KCNQ1: variants seen among roughly 807,000 people sequenced by gnomAD.
KCNQ1 encodes the protein potassium voltage-gated channel subfamily Q member 1.
Under a neutral mutation model 72.4 loss-of-function variants are expected in KCNQ1, and 49 were observed. The observed-to-expected ratio is 0.68, with a 90% CI of 0.54 to 0.86. The LOEUF (loss-of-function observed/expected upper bound fraction) is 0.86, where lower values mean the gene tolerates loss of function less well. Among genes scored for constraint, KCNQ1 ranks in the 40% least tolerant of loss-of-function variants. The pLI is 0.00. For synonymous variants in KCNQ1, 450 were observed against 412.6 expected (o/e 1.09, Z -1.10); for missense variants, 790 against 945.1 (o/e 0.84, Z 2.15).
At chr11:2,779,378 T>C (rs1313121876) in intron 15 of KCNQ1, among the ~76,000 whole-genome samples, 1 of 152,166 alleles carries the variant, frequency 6.6e-6, no homozygotes, top group Non-Finnish European at 1.5e-5. Context: ...GTTGTTGGCA[T>C]GGCCAGGAGT....
At chr11:2,758,258 A>T (rs1231388509) in intron 11 of KCNQ1, among the ~76,000 whole-genome samples, 1 of 152,232 alleles carries the variant, frequency 6.6e-6, no homozygotes, top group Non-Finnish European at 1.5e-5. Context: ...ACACGAAGAG[A>T]CATTTCACCA....
rs1850353803 is a variant in KCNQ1, at chr11:2,679,627, T to A, written c.1514+17546T>A. The A allele has an allele frequency of 2.5e-6, 1 of 398,448 alleles. No individual in the cohort carries two copies. Among genetic ancestry groups the A allele is most frequent in the African/African-American group, 2.1e-5 (1 of 48,596 alleles). The allele number at this position is 398,448 out of a possible 1,614,324, so 24.7% of individuals were successfully genotyped here. A position where few individuals can be genotyped will look rare whatever the true frequency, so the allele number is the denominator to read the frequency against. On this transcript the variant is annotated intron_variant, in intron 11 of 15. Transcript: ENST00000155840. The surrounding 1 kb of genome is among the most constrained non-coding windows in gnomAD (Gnocchi z 4.8). ...CGAGTTGGAATGAATAGTATCAGCA[T>A]CAGAAAAAATACAAGTGCATCCTCA...
At chr11:2,729,033 T>A (rs1442212807) in intron 11 of KCNQ1, among the ~76,000 whole-genome samples, 2 of 152,156 alleles carry the variant, frequency 1.3e-5, no homozygotes, top group African/African-American at 4.8e-5. Context: ...GCAACTGTAG[T>A]CACAGAACAA....
intron 10 of KCNQ1, among the ~76,000 whole-genome samples, chr11:2,589,952 G>A (rs556662693): frequency 6.6e-6 from 1 of 152,316 alleles, no homozygotes; most frequent in Admixed American, 6.5e-5. Context: ...CCTGCCCACT[G>A]GCCACGGATG....
At position 2,762,927 on chromosome 11, in the gene KCNQ1, C is replaced by T. The variant is rs1286041969; in HGVS notation, c.1515-5917C>T. Among the ~76,000 whole-genome samples, 1 of 152,190 alleles carries T rather than the reference C, an allele frequency of 6.6e-6. No homozygotes were observed. The highest frequency in any genetic ancestry group is 1.9e-4 in the East Asian group (1 of 5,198). The stretch of plus-strand genomic sequence containing the variant: ...CTGTTCATCTGTCTGCCCACACGCT[C>T]TTAATCAAGCCCTGTGGCCTCATGA... On this transcript the variant is annotated intron_variant, in intron 11 of 15. Transcript: ENST00000155840. The surrounding 1 kb of genome is among the most constrained non-coding windows in gnomAD (Gnocchi z 4.3).
intron 1 of KCNQ1, among the ~76,000 whole-genome samples, chr11:2,511,930 C>CA (rs768827017): frequency 1.8e-4 from 28 of 152,184 alleles, no homozygotes; most frequent in Admixed American, 1.1e-3. Flanking sequence ...GGGCACAGGT[C>CA]AGAGCGGGCA....
chr11:2,647,192 G>T lies in KCNQ1; in HGVS notation c.1394-14769G>T. 2 of 398,198 alleles carry T rather than the reference G, an allele frequency of 5.0e-6. No homozygotes were observed. Among genetic ancestry groups the T allele is most frequent in the South Asian group, 2.6e-4 (2 of 7,808 alleles). 24.7% of individuals were successfully genotyped at this position (398,198 alleles called of 1,614,324 possible). A position where few individuals can be genotyped will look rare whatever the true frequency, so the allele number is the denominator to read the frequency against. On this transcript the variant is annotated intron_variant, in intron 10 of 15. Coordinates refer to ENST00000155840, the MANE Select transcript of KCNQ1 (RefSeq NM_000218.3). This position sits in a 1 kb window ranked among gnomAD's most constrained non-coding sequence, Gnocchi z 4.0. ...TTTTTTTTTATCATGAAGAGATTTT[G>T]AATTTTATCAGATGCTTTTTCTGCA...
intron 10 of KCNQ1, among the ~76,000 whole-genome samples, chr11:2,596,529 C>T (rs1284283760): frequency 1.3e-5 from 2 of 151,584 alleles, no homozygotes; most frequent in South Asian, 2.1e-4. Context: ...GAATGAACCA[C>T]TGATATGCCT....
In KCNQ1 at chr11:2,713,224, G is replaced by A. The variant is rs1453749711; in HGVS notation, c.1514+51143G>A. On this transcript the variant is annotated intron_variant, in intron 11 of 15. Transcript: ENST00000155840. The surrounding 1 kb of genome is among the most constrained non-coding windows in gnomAD (Gnocchi z 5.6). ...GGAGCCCCTACTTGCTTGGTGTCCC[G>A]AGCCAGCCGGACCTGCATCCCGCTC... 2.0e-5 allele frequency among the ~76,000 whole-genome samples: 3 copies of A among 151,988 alleles called. No homozygotes were observed. Among genetic ancestry groups the A allele is most frequent in the Admixed American group, 6.5e-5 (1 of 15,276 alleles).
chr11:2,702,068 G>C (rs1285452662), intron 11 of KCNQ1, among the ~76,000 whole-genome samples: 2 of 152,192 alleles, frequency 1.3e-5, no homozygotes, highest in Admixed American at 1.3e-4. Context: ...GGCCTCCTCT[G>C]GCCTTCCTCA....
At chr11:2,578,526 G>A (rs554724266) in intron 6 of KCNQ1, among the ~76,000 whole-genome samples, 2 of 152,360 alleles carry the variant, frequency 1.3e-5, no homozygotes, top group South Asian at 4.1e-4. Context: ...GATCCTGCAT[G>A]GGCTTCCTTC....
chr11:2,516,737 G>T lies in KCNQ1; in HGVS notation c.387-11191G>T, dbSNP rs2237870. Among the ~76,000 whole-genome samples, 20,549 of 152,086 alleles carry T rather than the reference G, an allele frequency of 0.14. 1,758 individuals carry two copies. The highest frequency in any genetic ancestry group is 0.41 in the East Asian group (2,123 of 5,160). ...GTTTTATTAGGACACAGCCATGCCC[G>T]GCCGAATATTGCCACAGAGGCCACC... is the stretch of plus-strand genomic sequence containing the variant. On this transcript the variant is annotated intron_variant, in intron 1 of 15. Transcript: ENST00000155840. This position sits in a 1 kb window ranked among gnomAD's most constrained non-coding sequence, Gnocchi z 7.0.
rs1309920470 is a variant in KCNQ1, at chr11:2,479,946, A to G, written c.386+34462A>G. 6.6e-6 allele frequency among the ~76,000 whole-genome samples: 1 copy of G among 152,188 alleles called. No homozygotes were observed. The highest frequency in any genetic ancestry group is 1.9e-4 in the East Asian group (1 of 5,200). ...CCCTAAATCATCTCCCTCAAGTTCA[A>G]AGTTCCACAAATCTCTAGGGCAGTG... On this transcript the variant is annotated intron_variant, in intron 1 of 15. Transcript: ENST00000155840. The surrounding 1 kb of genome is among the most constrained non-coding windows in gnomAD (Gnocchi z 4.6).
At chr11:2,556,983 G>T (rs1422510535) in intron 2 of KCNQ1, among the ~76,000 whole-genome samples, 1 of 152,222 alleles carries the variant, frequency 6.6e-6, no homozygotes. Context: ...CACACCAAAT[G>T]TAAATCGCCT....
At chr11:2,821,520 G>A (rs1230156577) in intron 15 of KCNQ1, among the ~76,000 whole-genome samples, 1 of 152,124 alleles carries the variant, frequency 6.6e-6, no homozygotes, top group East Asian at 1.9e-4. Flanking sequence ...GGAAGTGGCT[G>A]GTAAAAAGCC....
chr11:2,631,722 G>T (rs1225260753), intron 10 of KCNQ1: 1 of 398,466 alleles, frequency 2.5e-6, no homozygotes, highest in East Asian at 3.6e-5. Context: ...CTGTAGCCCA[G>T]ATGAGGATAT....
chr11:2,839,176 C>G (rs932665935), intron 15 of KCNQ1, among the ~76,000 whole-genome samples: 1 of 152,150 alleles, frequency 6.6e-6, no homozygotes, highest in African/African-American at 2.4e-5. Flanking sequence ...TTCCCCACCC[C>G]CTCCCACCTG....
In KCNQ1 at chr11:2,600,435, C is replaced by A. The variant is rs1358338246; in HGVS notation, c.1393+11581C>A. ...CCAGTTTACTAATTGTTACATTTTG[C>A]CACATTTGCTTTATCATTTGAACCC... On this transcript the variant is annotated intron_variant, in intron 10 of 15. Transcript: ENST00000155840. The surrounding 1 kb of genome is among the most constrained non-coding windows in gnomAD (Gnocchi z 5.6). Among the ~76,000 whole-genome samples the A allele has an allele frequency of 6.6e-6, 1 of 152,194 alleles. No homozygotes were observed.
In KCNQ1 at chr11:2,663,253, G is replaced by A. The variant is rs2133858183; in HGVS notation, c.1514+1172G>A. The A allele has an allele frequency of 2.5e-6, 1 of 398,702 alleles. No individual in the cohort carries two copies. The highest frequency in any genetic ancestry group is 1.3e-4 in the South Asian group (1 of 7,834). 24.7% of individuals were successfully genotyped at this position (398,702 alleles called of 1,614,324 possible). On this transcript the variant is annotated intron_variant, in intron 11 of 15. Coordinates refer to ENST00000155840, the MANE Select transcript of KCNQ1 (RefSeq NM_000218.3). This position sits in a 1 kb window ranked among gnomAD's most constrained non-coding sequence, Gnocchi z 5.2. ...CAGCAGATCACTGGAAAGCAGGGGT[G>A]ACTAGTCATGGACACCCTGAGAATA...
Sources: gnomAD v4.1 joint callset for allele counts (sites outside exome capture counted in the v4.1 genomes callset) on GRCh38, gnomAD v4.1.1 for gene constraint, Gnocchi (gnomAD v3.1) non-coding constraint, MANE v1.5 for transcripts, NCBI Gene and HGNC (gene_info 2026-07-23, HGNC 2026-07-21) for gene names.